The following TET1 variants were observed in gnomAD, a reference collection of about 807,000 sequenced individuals.
TET1 encodes tet methylcytosine dioxygenase 1, also known as methylcytosine dioxygenase TET1.
In TET1, 13 loss-of-function variants were observed where a neutral mutation model predicts 148.7. The ratio of observed to expected loss-of-function variants is 0.09; its 90% CI spans 0.06 to 0.14. The LOEUF (loss-of-function observed/expected upper bound fraction) is 0.14. Ranked by LOEUF, TET1 falls within the 10% of genes least tolerant of loss-of-function variation. The pLI, the probability that TET1 is intolerant of heterozygous loss-of-function variation, is 1.00. For missense variants in TET1, 2,182 were observed against 2,553.8 expected (o/e 0.85, Z 3.14); for synonymous variants, 907 against 937.2 (o/e 0.97, Z 0.59).
chr10:68,596,457 T>C (rs1041843350), intron 2 of TET1, among the ~76,000 whole-genome samples: 31 of 152,110 alleles, frequency 2.0e-4, no homozygotes, highest in Non-Finnish European at 3.2e-4. Flanking sequence ...ATAGCTAATA[T>C]TTAATTTTTT....
chr10:68,648,387 A>G (rs1026503218), intron 4 of TET1, among the ~76,000 whole-genome samples: 7 of 152,248 alleles, frequency 4.6e-5, no homozygotes, highest in African/African-American at 1.7e-4. Flanking sequence ...CTGTAAAAAA[A>G]TAGGGAAATT....
chr10:68,661,746 A>G (rs1467150751), intron 6 of TET1, among the ~76,000 whole-genome samples: 2 of 151,888 alleles, frequency 1.3e-5, no homozygotes, highest in Admixed American at 6.6e-5. Flanking sequence ...TGGCCTCTCA[A>G]TGTGTTGGGG....
chr10:68,632,176 G>T (rs1408313658), intron 3 of TET1, among the ~76,000 whole-genome samples: 2 of 152,078 alleles, frequency 1.3e-5, no homozygotes, highest in South Asian at 2.1e-4. Flanking sequence ...AAAAAAATTA[G>T]CGGGGCGTGG....
chr10:68,689,376 G>T (rs1471486699), intron 11 of TET1, among the ~76,000 whole-genome samples: 1 of 152,010 alleles, frequency 6.6e-6, no homozygotes, highest in East Asian at 1.9e-4. Flanking sequence ...CCTAAGATTT[G>T]CTGGTTTTGC....
chr10:68,581,191 TGA>T (rs1158150684), intron 2 of TET1, among the ~76,000 whole-genome samples: 4 of 152,224 alleles, frequency 2.6e-5, no homozygotes, highest in East Asian at 3.8e-4. Context: ...TGTAATCTTC[TGA>T]GAGGTATCTT....
intron 2 of TET1, among the ~76,000 whole-genome samples, chr10:68,592,481 G>C (rs2053929920): frequency 6.6e-6 from 1 of 152,138 alleles, no homozygotes; most frequent in African/African-American, 2.4e-5. Flanking sequence ...ATGGACAATT[G>C]AAAGAACAAC....
chr10:68,581,973 T>C (rs570381094), intron 2 of TET1, among the ~76,000 whole-genome samples: 1 of 152,292 alleles, frequency 6.6e-6, no homozygotes, highest in South Asian at 2.1e-4. Flanking sequence ...GGACAATTAG[T>C]TTGCAAGTTT....
intron 6 of TET1, among the ~76,000 whole-genome samples, chr10:68,658,535 T>C (rs1396411203): frequency 6.6e-6 from 1 of 152,210 alleles, no homozygotes; most frequent in Non-Finnish European, 1.5e-5. Context: ...CCAGCACCAC[T>C]TTCTTAGCCA....
intron 6 of TET1, among the ~76,000 whole-genome samples, chr10:68,654,106 C>CCA (rs2054983276): frequency 2.4e-5 from 2 of 85,038 alleles, no homozygotes; most frequent in Non-Finnish European, 4.2e-5. Flanking sequence ...AAAATGTCTC[C>CCA]AAAAAAAAAA....
At chr10:68,656,523 A>C (rs548595354) in intron 6 of TET1, among the ~76,000 whole-genome samples, 9 of 152,320 alleles carry the variant, frequency 5.9e-5, no homozygotes, top group African/African-American at 1.9e-4. Context: ...CAGCCTCCCA[A>C]AGTGCTAAAA....
intron 2 of TET1, among the ~76,000 whole-genome samples, chr10:68,586,223 G>T (rs1473065521): frequency 6.6e-6 from 1 of 152,064 alleles, no homozygotes; most frequent in East Asian, 1.9e-4. Context: ...TGTTGCCTAG[G>T]CTGGATTGCA....
intron 3 of TET1, among the ~76,000 whole-genome samples, chr10:68,627,100 C>T (rs1027704902): frequency 2.6e-5 from 4 of 151,826 alleles, no homozygotes; most frequent in South Asian, 2.1e-4. Context: ...TGTGAAACCC[C>T]GTCTGTATTA....
At chr10:68,679,378 G>A (rs2055406177) in intron 8 of TET1, among the ~76,000 whole-genome samples, 1 of 152,150 alleles carries the variant, frequency 6.6e-6, no homozygotes. Flanking sequence ...ATAGAGTAAA[G>A]TGATGTGAGA....
chr10:68,689,880 T>C (rs910273075), intron 11 of TET1, among the ~76,000 whole-genome samples: 2 of 152,142 alleles, frequency 1.3e-5, no homozygotes, highest in African/African-American at 2.4e-5. Flanking sequence ...TAACCCACAG[T>C]TGACATCTTG....
At chr10:68,612,368 G>T (rs1360839988) in intron 3 of TET1, among the ~76,000 whole-genome samples, 1 of 152,014 alleles carries the variant, frequency 6.6e-6, no homozygotes, top group African/African-American at 2.4e-5. Context: ...GAGATTACCA[G>T]CATGAGCCAC....
chr10:68,582,959 A>G (rs2053817955), intron 2 of TET1, among the ~76,000 whole-genome samples: 1 of 152,208 alleles, frequency 6.6e-6, no homozygotes, highest in South Asian at 2.1e-4. Flanking sequence ...GTTTGTCAGT[A>G]TAAAGGCATG....
At chr10:68,585,264 A>G (rs1182642625) in intron 2 of TET1, among the ~76,000 whole-genome samples, 1 of 152,040 alleles carries the variant, frequency 6.6e-6, no homozygotes, top group African/African-American at 2.4e-5. Context: ...TCGGCCTCCC[A>G]AAGTGCTGGG....
At chr10:68,593,913 C>CTTTTTT (rs1220816232) in intron 2 of TET1, among the ~76,000 whole-genome samples, 5 of 55,950 alleles carry the variant, frequency 8.9e-5, no homozygotes, top group East Asian at 5.6e-4. Flanking sequence ...TGCGCCTGAG[C>CTTTTTT]TATTTTTTTT....
At chr10:68,574,630 AT>A (rs1463390198) in intron 2 of TET1, among the ~76,000 whole-genome samples, 2 of 152,234 alleles carry the variant, frequency 1.3e-5, no homozygotes, top group Non-Finnish European at 2.9e-5. Context: ...AGATTTAAAA[AT>A]TAAGAGTGGA....
Sources: gnomAD v4.1 joint callset for allele counts (sites outside exome capture counted in the v4.1 genomes callset) on GRCh38, gnomAD v4.1.1 for gene constraint, MANE v1.5 for transcripts, NCBI Gene and HGNC (gene_info 2026-07-23, HGNC 2026-07-21) for gene names.